The following PTPN14 variants were observed in gnomAD, a reference collection of about 807,000 sequenced individuals.
PTPN14 encodes the protein tyrosine-protein phosphatase non-receptor type 14.
Under a neutral mutation model 126.8 loss-of-function variants are expected in PTPN14, and 53 were observed. The observed-to-expected ratio is 0.42, with a 90% confidence interval of 0.34 to 0.53. The LOEUF (loss-of-function observed/expected upper bound fraction) is 0.53, where lower values mean the gene tolerates loss of function less well. PTPN14 is among the 20% of genes least tolerant of loss of function. PTPN14 has a pLI of 0.08. For missense variants in PTPN14, 1,257 were observed against 1,552.9 expected (o/e 0.81, Z 3.20); for synonymous variants, 630 against 599.3 (o/e 1.05, Z -0.75).
intron 1 of PTPN14, among the ~76,000 whole-genome samples, chr1:214,494,156 C>T (rs547608915): frequency 1.5e-4 from 23 of 152,180 alleles, no homozygotes; most frequent in African/African-American, 5.5e-4. Flanking sequence ...CTGCAAGCTC[C>T]GCCTCCCAGG....
rs528266110 is a variant in PTPN14, at chr1:214,360,763, T to G, written c.3436-2713A>C. 3.3e-3 allele frequency among the ~76,000 whole-genome samples: 510 copies of G among 152,302 alleles called. 5 individuals carry two copies. The highest frequency in any genetic ancestry group is 0.012 in the African/African-American group (492 of 41,558). On this transcript the variant is annotated intron_variant, in intron 18 of 18. Transcript: ENST00000366956. ...GCACATTACTTCATTTACTTATGAC[T>G]CAGTTTCTCTTCTGTTATGTGAGGA...
Position 214,384,190 on chromosome 1 carries a change from C to G in PTPN14, c.1665G>C (p.Thr555=). The change falls in exon 13 of 19, where the codon ACG becomes ACC. Residue 555 remains threonine (T), a synonymous_variant. Transcript: ENST00000366956. This position sits in a 1 kb window ranked among gnomAD's most constrained non-coding sequence, Gnocchi z 5.3. The stretch of plus-strand genomic sequence containing the variant: ...AGAGATAGTTCTTAAGCATGTGGGC[C>G]GTGCTGTAGTTATGGCTGCCCTGCA... ...MQLQGSHNYS[T]AHMLKNYLFR... 1 of 1,607,654 alleles carries G rather than the reference C, an allele frequency of 6.2e-7. No homozygotes were observed. The highest frequency in any genetic ancestry group is 1.3e-5 in the African/African-American group (1 of 74,982).
chr1:214,512,421 T>C (rs1655000084), intron 1 of PTPN14, among the ~76,000 whole-genome samples: 1 of 152,168 alleles, frequency 6.6e-6, no homozygotes, highest in Non-Finnish European at 1.5e-5. Context: ...TAAAATCCCT[T>C]GGGTACAACT....
chr1:214,384,301 G>A lies in PTPN14; in HGVS notation c.1554C>T (p.Asn518=). 2 of 1,614,170 alleles carry A rather than the reference G, an allele frequency of 1.2e-6. No individual in the cohort carries two copies. Among genetic ancestry groups the A allele is most frequent in the Non-Finnish European group, 1.7e-6 (2 of 1,180,036 alleles). ...TGCTTGGTACCACATTATTCTTTGG[G>A]TTCCTCTGGTCAGATGGACTGACAA... The part of the protein sequence containing the change: ...NKLVSPSDQR[N]PKNNVVPSKP... Residue 518 remains asparagine (N), a synonymous_variant, in exon 13 of 19, where the codon AAC becomes AAT. Transcript: ENST00000366956. The surrounding 1 kb of genome is among the most constrained non-coding windows in gnomAD (Gnocchi z 5.3).
chr1:214,465,678 G>A (rs1660618520), intron 1 of PTPN14, among the ~76,000 whole-genome samples: 2 of 151,914 alleles, frequency 1.3e-5, no homozygotes, highest in East Asian at 1.9e-4. Context: ...GAACACTGGT[G>A]TTTTGTTTTT....
intron 15 of PTPN14, 79 bp downstream of exon 15, chr1:214,376,140 C>T: frequency 1.5e-6 from 2 of 1,329,612 alleles, no homozygotes; most frequent in South Asian, 1.3e-5. Context: ...AACTGCAGCC[C>T]ACACATTTTC....
chr1:214,451,153 T>G (rs1299480785), intron 3 of PTPN14, among the ~76,000 whole-genome samples: 1 of 127,668 alleles, frequency 7.8e-6, no homozygotes, highest in Admixed American at 8.3e-5. Context: ...TTTGTTTTTG[T>G]TTTTGTTGTT....
chr1:214,414,694 A>G lies in PTPN14; in HGVS notation c.377T>C (p.Val126Ala). Reference sequence around the variant, plus strand: ...TGTACATCGTAATCGCCCTTCAAGCACATCTTTTTTGACTTGCAGGTAATA... The same window carrying G: ...TGTACATCGTAATCGCCCTTCAAGCGCATCTTTTTTGACTTGCAGGTAATA... The part of the protein sequence containing the change: ...YQYYLQVKKD[V>A]LEGRLRCTLD... The change falls in exon 4 of 19, where the codon GTG (valine) becomes GCG (alanine). Residue 126 changes from valine (V) to alanine (A), a missense_variant. Coordinates refer to ENST00000366956, the MANE Select transcript of PTPN14 (RefSeq NM_005401.5). 6.2e-6 allele frequency: 10 copies of G among 1,614,084 alleles called. No individual in the cohort carries two copies. The highest frequency in any genetic ancestry group is 8.5e-6 in the Non-Finnish European group (10 of 1,179,954).
At chr1:214,381,892 A>G (rs1358763695) in intron 13 of PTPN14, among the ~76,000 whole-genome samples, 1 of 152,122 alleles carries the variant, frequency 6.6e-6, no homozygotes, top group African/African-American at 2.4e-5. Flanking sequence ...GTTCATGGCA[A>G]GCAGCAATGG....
chr1:214,498,696 C>T (rs1441746778), intron 1 of PTPN14, among the ~76,000 whole-genome samples: 1 of 152,166 alleles, frequency 6.6e-6, no homozygotes, highest in Non-Finnish European at 1.5e-5. Flanking sequence ...CACGGCACCA[C>T]AATATATTGC....
At chr1:214,513,242 G>A (rs1558136624) in intron 1 of PTPN14, among the ~76,000 whole-genome samples, 1 of 152,158 alleles carries the variant, frequency 6.6e-6, no homozygotes, top group East Asian at 1.9e-4. Flanking sequence ...TCAATCATCT[G>A]TTCAACAAGC....
At position 214,469,478 on chromosome 1, in the gene PTPN14, C is replaced by G. The variant is rs530667255; in HGVS notation, c.-154-4521G>C. 3.0e-4 allele frequency among the ~76,000 whole-genome samples: 45 copies of G among 152,316 alleles called. 1 individual carries two copies. In the Middle Eastern group the frequency reaches 0.01, roughly 35 times the overall value. On this transcript the variant is annotated intron_variant, in intron 1 of 18. Transcript: ENST00000366956. ...AGTCTGGCTCCTGGAACCTTTCCAACTTTCCCCATGTGGCTCTCTGGGGCC... is the reference window on the plus strand; with the variant it reads ...AGTCTGGCTCCTGGAACCTTTCCAAGTTTCCCCATGTGGCTCTCTGGGGCC...
chr1:214,368,555 A>G (rs77213457), intron 17 of PTPN14, among the ~76,000 whole-genome samples: 1,759 of 152,284 alleles, frequency 0.012, 30 homozygotes, highest in African/African-American at 0.039. Flanking sequence ...TGGACACAAC[A>G]TAAAACTTAC....
At chr1:214,533,325 G>T in intron 1 of PTPN14, 2 of 537,662 alleles carry the variant, frequency 3.7e-6, no homozygotes, top group South Asian at 1.7e-5. Flanking sequence ...ACCGCTGCCT[G>T]CTGGAAGACG....
intron 1 of PTPN14, chr1:214,528,792 A>C (rs1571648885): frequency 6.6e-6 from 1 of 152,294 alleles, no homozygotes; most frequent in East Asian, 1.9e-4. Flanking sequence ...TTAGCCAGGC[A>C]TGGTGGTATA....
intron 1 of PTPN14, among the ~76,000 whole-genome samples, chr1:214,492,901 GAAAA>G (rs966703560): frequency 5.9e-5 from 5 of 84,884 alleles, no homozygotes; most frequent in Non-Finnish European, 1.3e-4. Flanking sequence ...CTGTCTCAAA[GAAAA>G]AAAAAAAAAA....
chr1:214,519,211 G>A (rs1362356278), intron 1 of PTPN14, among the ~76,000 whole-genome samples: 8 of 152,180 alleles, frequency 5.3e-5, no homozygotes, highest in Non-Finnish European at 7.4e-5. Context: ...GGAGGTTGCA[G>A]TGAGCTGAGA....
At chr1:214,532,499 G>A in intron 1 of PTPN14, 1 of 898,026 alleles carries the variant, frequency 1.1e-6, no homozygotes, top group Non-Finnish European at 1.9e-6. Flanking sequence ...TCGAGAACTG[G>A]AGGCTGGAGA....
chr1:214,402,824 G>A, intron 6 of PTPN14, 59 bp downstream of exon 6: 1 of 1,570,624 alleles, frequency 6.4e-7, no homozygotes, highest in Non-Finnish European at 8.8e-7. Context: ...GATGCCTCCT[G>A]CCCCATGGGC....
Sources: allele counts gnomAD v4.1 joint callset (sites outside exome capture counted in the v4.1 genomes callset), GRCh38; gene constraint gnomAD v4.1.1; non-coding constraint Gnocchi (gnomAD v3.1); transcripts MANE v1.5; gene names NCBI Gene and HGNC (gene_info 2026-07-23, HGNC 2026-07-21).